Variants in DOCK4 observed in about 807,000 individuals in gnomAD.
DOCK4 encodes the protein dedicator of cytokinesis 4.
A neutral mutation model predicts 268.1 loss-of-function variants in DOCK4; 97 were observed. That is an observed-to-expected ratio of 0.36 (90% CI 0.31 to 0.43). DOCK4 has a LOEUF of 0.43. Ranked by LOEUF, DOCK4 falls within the 20% of genes least tolerant of loss-of-function variation. The probability of loss-of-function intolerance (pLI) is 1.00; values close to 1 mark genes in which losing one functional copy is unlikely to be tolerated. For missense variants in DOCK4, 2,145 were observed against 2,455.7 expected (o/e 0.87, Z 2.67); for synonymous variants, 954 against 887.2 (o/e 1.08, Z -1.34).
Position 111,998,028 on chromosome 7 carries a change from T to C in DOCK4, c.218+420A>G, listed in dbSNP as rs576400859. On this transcript the variant is annotated intron_variant, in intron 4 of 52. Transcript: ENST00000428084. Reference sequence around the variant, plus strand: ...TTTGTGAAGTGGTCACACAAGAATATGTTATTATGCCCATTTAGAGAAAGA... The same window carrying C: ...TTTGTGAAGTGGTCACACAAGAATACGTTATTATGCCCATTTAGAGAAAGA... Among the ~76,000 whole-genome samples, 4 of 152,334 alleles carry C rather than the reference T, an allele frequency of 2.6e-5. No homozygotes were observed. In the East Asian group the frequency reaches 5.8e-4, roughly 22 times the overall value.
chr7:112,180,235 C>A (rs187258872), intron 1 of DOCK4, among the ~76,000 whole-genome samples: 1 of 152,154 alleles, frequency 6.6e-6, no homozygotes, highest in Non-Finnish European at 1.5e-5. Context: ...CCCCCTCAAC[C>A]CAGAAACCCC....
At chr7:111,798,938 T>C (rs367997009) in intron 30 of DOCK4, among the ~76,000 whole-genome samples, 3 of 152,300 alleles carry the variant, frequency 2.0e-5, no homozygotes, top group African/African-American at 7.2e-5. Flanking sequence ...TTATCCTCAG[T>C]TTTTCTTCCA....
At position 111,944,880 on chromosome 7, in the gene DOCK4, A is replaced by G. The variant is rs1475963031; in HGVS notation, c.784-9T>C. 3 of 1,613,920 alleles carry G rather than the reference A, an allele frequency of 1.9e-6. No individual in the cohort carries two copies. Among genetic ancestry groups the G allele is most frequent in the South Asian group, 2.2e-5 (2 of 91,078 alleles). ...TCACTGCTGCCCAAATCCTACAAAC[A>G]AAGAAAGTTTGGTTATTTTGGAAGA... On this transcript the variant is annotated splice_polypyrimidine_tract_variant and intron_variant, in intron 9 of 52. Transcript: ENST00000428084.
chr7:111,972,637 C>G (rs1329821072), intron 8 of DOCK4, among the ~76,000 whole-genome samples: 1 of 152,072 alleles, frequency 6.6e-6, no homozygotes, highest in African/African-American at 2.4e-5. Flanking sequence ...AATGGCCAGA[C>G]TGAAGCCATA....
intron 1 of DOCK4, among the ~76,000 whole-genome samples, chr7:112,047,440 C>A (rs989709954): frequency 3.3e-5 from 5 of 152,014 alleles, no homozygotes; most frequent in African/African-American, 1.2e-4. Flanking sequence ...AGAATTAGCA[C>A]ACAAAGACAT....
intron 1 of DOCK4, among the ~76,000 whole-genome samples, chr7:112,171,783 G>A (rs1818106470): frequency 6.6e-6 from 1 of 152,218 alleles, no homozygotes; most frequent in African/African-American, 2.4e-5. Context: ...TGCTAGGGCT[G>A]CCATAACAAA....
intron 1 of DOCK4, among the ~76,000 whole-genome samples, chr7:112,193,930 T>C (rs891775384): frequency 6.6e-6 from 1 of 152,036 alleles, no homozygotes; most frequent in African/African-American, 2.4e-5. Context: ...CACATGGCCC[T>C]TTCTCATGCT....
At chr7:112,177,659 A>G (rs1055795940) in intron 1 of DOCK4, among the ~76,000 whole-genome samples, 7 of 152,168 alleles carry the variant, frequency 4.6e-5, no homozygotes, top group Admixed American at 1.3e-4. Flanking sequence ...CATGGAAATG[A>G]CTGGTTTTGC....
At chr7:111,802,150 T>C (rs2133863609) in intron 30 of DOCK4, among the ~76,000 whole-genome samples, 1 of 152,208 alleles carries the variant, frequency 6.6e-6, no homozygotes, top group African/African-American at 2.4e-5. Flanking sequence ...TTTATCAGGG[T>C]AGAAAACCTG....
chr7:112,017,288 G>C (rs1017927162), intron 1 of DOCK4, among the ~76,000 whole-genome samples: 7 of 152,170 alleles, frequency 4.6e-5, no homozygotes, highest in African/African-American at 7.2e-5. Context: ...TCAAACTACA[G>C]TGAGCATCTT....
Position 111,769,642 on chromosome 7 carries a change from G to C in DOCK4, c.3715C>G (p.Leu1239Val). Residue 1239 changes from leucine (L) to valine (V), a missense_variant, in exon 37 of 53, where the codon CTG (leucine) becomes GTG (valine). Coordinates refer to ENST00000428084, the MANE Select transcript of DOCK4 (RefSeq NM_001363540.2). ...CTGAGGGGCCGATCAGACCATTCCA[G>C]TAGCTCGTCATATAAGAGGAGGGTA... ...AYTLLLYDELLEWSDRPLREF... is the reference protein window; with the variant it reads ...AYTLLLYDELVEWSDRPLREF... 6.2e-7 allele frequency: 1 copy of C among 1,613,814 alleles called. No homozygotes were observed. The highest frequency in any genetic ancestry group is 2.2e-5 in the East Asian group (1 of 44,846).
intron 21 of DOCK4, among the ~76,000 whole-genome samples, chr7:111,868,901 A>G (rs1436533509): frequency 6.6e-6 from 1 of 152,154 alleles, no homozygotes; most frequent in African/African-American, 2.4e-5. Flanking sequence ...TTACAAATGA[A>G]TAATTCACAA....
At chr7:112,109,902 G>A (rs547450201) in intron 1 of DOCK4, among the ~76,000 whole-genome samples, 2 of 149,404 alleles carry the variant, frequency 1.3e-5, no homozygotes, top group African/African-American at 2.6e-5. Flanking sequence ...CCGCCATCAC[G>A]CCCGGCTAAT....
chr7:111,822,485 AT>A (rs761178823), intron 26 of DOCK4, 29 bp from the exon 27 acceptor site: 1 of 1,566,172 alleles, frequency 6.4e-7, no homozygotes, highest in African/African-American at 1.4e-5. Context: ...AGATCATTTT[AT>A]TGGTTTATTG....
chr7:112,066,569 CGTGTGT>C (rs1806971818), intron 1 of DOCK4, among the ~76,000 whole-genome samples: 1 of 143,880 alleles, frequency 7.0e-6, no homozygotes, highest in African/African-American at 2.7e-5. Flanking sequence ...TATATATACA[CGTGTGT>C]ATATGTATAT....
chr7:112,130,377 T>C (rs1813692305), intron 1 of DOCK4, among the ~76,000 whole-genome samples: 1 of 151,246 alleles, frequency 6.6e-6, no homozygotes, highest in Non-Finnish European at 1.5e-5. Flanking sequence ...GGGAGTCTCT[T>C]AACACTTCTC....
In DOCK4 at chr7:111,782,942, T is replaced by C; in HGVS notation, c.3525-18A>G. 6.2e-7 allele frequency: 1 copy of C among 1,605,028 alleles called. No homozygotes were observed. The highest frequency in any genetic ancestry group is 2.2e-5 in the East Asian group (1 of 44,632). ...TGCAGTCCCTAAAAACAAAAAGCAA[T>C]AGTCAGAACTCAGAACTTCCTTCCT... On this transcript the variant is annotated intron_variant, in intron 34 of 52. Coordinates refer to ENST00000428084, the MANE Select transcript of DOCK4 (RefSeq NM_001363540.2).
intron 7 of DOCK4, among the ~76,000 whole-genome samples, chr7:111,979,162 T>C (rs891327381): frequency 5.3e-5 from 8 of 152,210 alleles, no homozygotes; most frequent in Admixed American, 2.6e-4. Context: ...TTACAAGTGT[T>C]AACACAACAT....
intron 1 of DOCK4, among the ~76,000 whole-genome samples, chr7:112,200,739 C>CAAAAAAAAAAAA (rs71689051): frequency 7.7e-6 from 1 of 129,048 alleles, no homozygotes; most frequent in African/African-American, 2.8e-5. Context: ...AAAAAAAAAA[C>CAAAAAAAAAAAA]AAAAAAAAAC....
Sources: allele counts gnomAD v4.1 joint callset (sites outside exome capture counted in the v4.1 genomes callset), GRCh38; gene constraint gnomAD v4.1.1; transcripts MANE v1.5; gene names NCBI Gene and HGNC (gene_info 2026-07-23, HGNC 2026-07-21).